The following WWOX variants were observed in gnomAD, a reference collection of about 807,000 sequenced individuals.
WWOX encodes the protein WW domain-containing oxidoreductase.
Under a neutral mutation model 46.2 loss-of-function variants are expected in WWOX, and 69 were observed. That is an observed-to-expected ratio of 1.49 (90% CI 1.23 to 1.82). WWOX has a LOEUF of 1.82. WWOX is among the 40% of genes most tolerant of loss of function. The pLI, the probability that WWOX is intolerant of heterozygous loss-of-function variation, is 0.00. For missense variants in WWOX, 919 were observed against 542.6 expected, an observed-to-expected ratio of 1.69 and a Z score of -6.89; for synonymous variants, 359 against 202.6, an observed-to-expected ratio of 1.77 and a Z score of -6.56.
rs188543656 is a variant in WWOX, at chr16:78,156,678, C to G, written c.410-7505C>G. 6.8e-3 allele frequency among the ~76,000 whole-genome samples: 1,026 copies of G among 151,906 alleles called. 10 individuals are homozygous for G. Among genetic ancestry groups the G allele is most frequent in the African/African-American group, 0.022 (924 of 41,404 alleles). On this transcript the variant is annotated intron_variant, in intron 4 of 8. Coordinates refer to ENST00000566780, the MANE Select transcript of WWOX (RefSeq NM_016373.4). Reference sequence around the variant, plus strand: ...GTGGCTCACGCCTGTAATCCCAGCACTTTGGGAGGTCGAGGTGGGTGGGTC... The same window carrying G: ...GTGGCTCACGCCTGTAATCCCAGCAGTTTGGGAGGTCGAGGTGGGTGGGTC...
chr16:78,671,440 A>C (rs997542291), intron 8 of WWOX, among the ~76,000 whole-genome samples: 3 of 152,210 alleles, frequency 2.0e-5, no homozygotes, highest in African/African-American at 7.2e-5. Flanking sequence ...TTAAAAAATA[A>C]AACATAAATA....
intron 8 of WWOX, among the ~76,000 whole-genome samples, chr16:78,728,664 T>C (rs919235031): frequency 1.3e-5 from 2 of 152,230 alleles, no homozygotes; most frequent in East Asian, 1.9e-4. Context: ...TGAGGGTCCC[T>C]TGACTGCACT....
At position 78,833,940 on chromosome 16, in the gene WWOX, T is replaced by G. The variant is rs532655377; in HGVS notation, c.1057-377668T>G. Among the ~76,000 whole-genome samples the G allele has an allele frequency of 3.3e-5, 5 of 152,392 alleles. No individual in the cohort carries two copies. In the South Asian group the frequency reaches 6.2e-4, roughly 19 times the overall value. ...TTCTTTGAGGCCAAGGACTGTGTCTTATTCTGTGTTGCATCCCTTTGGCTT... is the reference window on the plus strand; with the variant it reads ...TTCTTTGAGGCCAAGGACTGTGTCTGATTCTGTGTTGCATCCCTTTGGCTT... On this transcript the variant is annotated intron_variant, in intron 8 of 8. Coordinates refer to ENST00000566780, the MANE Select transcript of WWOX (RefSeq NM_016373.4).
intron 8 of WWOX, among the ~76,000 whole-genome samples, chr16:78,839,105 T>C (rs2052069570): frequency 6.6e-6 from 1 of 151,754 alleles, no homozygotes; most frequent in African/African-American, 2.4e-5. Flanking sequence ...CTTGACTGCA[T>C]GTGAATCTAC....
chr16:79,076,552 C>T (rs140877341), intron 8 of WWOX, among the ~76,000 whole-genome samples: 8 of 152,344 alleles, frequency 5.3e-5, no homozygotes, highest in South Asian at 2.1e-4. Context: ...AGCTAACTCT[C>T]CGATGAGCTC....
intron 8 of WWOX, chr16:79,101,241 T>G (rs2049186516): frequency 1.3e-5 from 2 of 152,208 alleles, no homozygotes; most frequent in Admixed American, 1.3e-4. Flanking sequence ...TCAAACATAT[T>G]CGCAGCTTGT....
chr16:79,038,348 T>G (rs2047907540), intron 8 of WWOX, among the ~76,000 whole-genome samples: 1 of 152,146 alleles, frequency 6.6e-6, no homozygotes, highest in African/African-American at 2.4e-5. Flanking sequence ...AAAATGCTTA[T>G]GATACAACAT....
intron 7 of WWOX, among the ~76,000 whole-genome samples, chr16:78,427,693 G>T (rs1046646526): frequency 2.0e-5 from 3 of 152,102 alleles, no homozygotes; most frequent in African/African-American, 4.8e-5. Context: ...TGGGAGGATG[G>T]CTTGAGCCCA....
chr16:79,019,468 G>C (rs1406978325), intron 8 of WWOX, among the ~76,000 whole-genome samples: 2 of 152,030 alleles, frequency 1.3e-5, no homozygotes, highest in African/African-American at 2.4e-5. Context: ...CATAGAAATA[G>C]TACAGTAAAA....
At chr16:78,303,177 T>C (rs1170360296) in intron 5 of WWOX, among the ~76,000 whole-genome samples, 3 of 152,200 alleles carry the variant, frequency 2.0e-5, no homozygotes, top group African/African-American at 7.2e-5. Flanking sequence ...CTTTGCCCTT[T>C]TTTCCCCTAC....
chr16:79,201,679 G>T (rs554844364), intron 8 of WWOX, among the ~76,000 whole-genome samples: 97 of 152,186 alleles, frequency 6.4e-4, no homozygotes, highest in Non-Finnish European at 1.0e-3. Flanking sequence ...TGAGGTAATA[G>T]CCTCCTTCCT....
At chr16:78,183,113 G>C (rs1567616936) in intron 5 of WWOX, among the ~76,000 whole-genome samples, 1 of 152,044 alleles carries the variant, frequency 6.6e-6, no homozygotes, top group Admixed American at 6.6e-5. Context: ...AGCATGTTTT[G>C]ATCCTTTATT....
At chr16:78,748,877 G>C (rs932195218) in intron 8 of WWOX, among the ~76,000 whole-genome samples, 1 of 152,302 alleles carries the variant, frequency 6.6e-6, no homozygotes, top group East Asian at 1.9e-4. Context: ...TGCAGGGGAG[G>C]TGAATTGATT....
At chr16:78,705,362 A>G (rs2048308049) in intron 8 of WWOX, among the ~76,000 whole-genome samples, 2 of 152,246 alleles carry the variant, frequency 1.3e-5, no homozygotes, top group South Asian at 4.1e-4. Context: ...AAAACAACAC[A>G]TAAGAGAGTC....
rs138776029 is a variant in WWOX at position 78,966,095 on chromosome 16, G to A, written c.1057-245513G>A. On this transcript the variant is annotated intron_variant, in intron 8 of 8. Transcript: ENST00000566780. ...CTCTGAGGATTCCAAGCTTTTTTGCGTGGCTTCTTACCTATCAGCTAAAGA... is the reference window on the plus strand; with the variant it reads ...CTCTGAGGATTCCAAGCTTTTTTGCATGGCTTCTTACCTATCAGCTAAAGA... Among the ~76,000 whole-genome samples, 336 of 152,228 alleles carry A rather than the reference G, an allele frequency of 2.2e-3. 2 individuals carry two copies. The highest frequency in any genetic ancestry group is 7.6e-3 in the African/African-American group (315 of 41,546).
At chr16:79,005,250 G>C (rs1246002564) in intron 8 of WWOX, among the ~76,000 whole-genome samples, 1 of 152,112 alleles carries the variant, frequency 6.6e-6, no homozygotes, top group Non-Finnish European at 1.5e-5. Flanking sequence ...AGTTTCCCAA[G>C]AGCCGATCTC....
chr16:79,008,696 A>C (rs2047240017), intron 8 of WWOX, among the ~76,000 whole-genome samples: 1 of 151,576 alleles, frequency 6.6e-6, no homozygotes, highest in Admixed American at 6.6e-5. Flanking sequence ...TACTCCCTTC[A>C]CTCCCTCCAG....
chr16:79,073,570 A>G (rs2048592506), intron 8 of WWOX, among the ~76,000 whole-genome samples: 1 of 152,166 alleles, frequency 6.6e-6, no homozygotes, highest in Non-Finnish European at 1.5e-5. Context: ...GTTTCATTTT[A>G]AGATCAGTGT....
chr16:78,396,253 G>A (rs2082283996), intron 6 of WWOX, among the ~76,000 whole-genome samples: 1 of 152,032 alleles, frequency 6.6e-6, no homozygotes. Context: ...GCCCCTGGTG[G>A]AGAGAATAAT....
Sources: allele counts gnomAD v4.1 joint callset (sites outside exome capture counted in the v4.1 genomes callset), GRCh38; gene constraint gnomAD v4.1.1; transcripts MANE v1.5; gene names NCBI Gene and HGNC (gene_info 2026-07-23, HGNC 2026-07-21).